Variants in ENO4 observed in about 807,000 individuals in gnomAD.
ENO4 encodes the protein enolase 4.
Under a neutral mutation model 63.2 loss-of-function variants are expected in ENO4, and 53 were observed. The observed-to-expected ratio is 0.84, with a 90% confidence interval of 0.67 to 1.05. The LOEUF (loss-of-function observed/expected upper bound fraction) is 1.05. Among genes scored for constraint, ENO4 ranks in the 50% least tolerant of loss-of-function variants. The pLI, the probability that ENO4 is intolerant of heterozygous loss-of-function variation, is 0.00. For synonymous variants in ENO4, 266 were observed against 283.8 expected (o/e 0.94, Z 0.63); for missense variants, 719 against 772.0 (o/e 0.93, Z 0.81).
chr10:116,851,696 A>T (rs79860176), intron 1 of ENO4, among the ~76,000 whole-genome samples: 473 of 152,144 alleles, frequency 3.1e-3, no homozygotes, highest in African/African-American at 0.011. Context: ...GCTGGCCTTC[A>T]TGTGTGTGGT....
intron 9 of ENO4, 122 bp downstream of exon 9, chr10:116,871,414 A>G: frequency 1.1e-6 from 1 of 921,050 alleles, no homozygotes; most frequent in Non-Finnish European, 1.5e-6. Context: ...TTTTATTAAT[A>G]TTGTGTGAAG....
At position 116,860,983 on chromosome 10, in the gene ENO4, C is replaced by T. The variant is rs538624413; in HGVS notation, c.804+20C>T. ...AATCAGGTTAGTATCTATGAAGTTC[C>T]ATTAAAAGGAGCCATGAGTATCTCA... On this transcript the variant is annotated intron_variant, in intron 5 of 13. Coordinates refer to ENST00000341276, the MANE Select transcript of ENO4 (RefSeq NM_001242699.2). 27 of 1,531,916 alleles carry T rather than the reference C, an allele frequency of 1.8e-5. No homozygotes were observed. The Admixed American group carries it at 5.4e-4, about 31-fold the overall frequency. The allele number at this position is 1,531,916 out of a possible 1,614,324, so 94.9% of individuals were successfully genotyped here.
intron 10 of ENO4, chr10:116,901,888 G>A (rs758936725): frequency 6.2e-7 from 1 of 1,608,004 alleles, no homozygotes; most frequent in Non-Finnish European, 8.5e-7. Flanking sequence ...GGCTGTTTTT[G>A]TTACACTGGA....
chr10:116,907,162 C>T (rs1036789344), intron 10 of ENO4, among the ~76,000 whole-genome samples: 1 of 152,096 alleles, frequency 6.6e-6, no homozygotes, highest in Non-Finnish European at 1.5e-5. Flanking sequence ...GAAGTCACAG[C>T]GGCACTGAAA....
chr10:116,862,515 A>C (rs1232101267), intron 6 of ENO4, among the ~76,000 whole-genome samples: 1 of 152,176 alleles, frequency 6.6e-6, no homozygotes, highest in African/African-American at 2.4e-5. Context: ...GTTGGTCCAG[A>C]GACCATAAAA....
At chr10:116,852,475 T>C (rs1164129734) in intron 1 of ENO4, among the ~76,000 whole-genome samples, 3 of 152,230 alleles carry the variant, frequency 2.0e-5, no homozygotes, top group Non-Finnish European at 2.9e-5. Flanking sequence ...CTCACTGTGA[T>C]AGAGTTACAC....
intron 10 of ENO4, among the ~76,000 whole-genome samples, chr10:116,902,205 A>C (rs1382528870): frequency 6.6e-6 from 1 of 152,208 alleles, no homozygotes; most frequent in Non-Finnish European, 1.5e-5. Context: ...ATCCCAGGCC[A>C]CAATTCCCTC....
downstream of ENO4, chr10:116,886,466 T>A (rs761174075): frequency 2.5e-6 from 4 of 1,613,918 alleles, no homozygotes; most frequent in African/African-American, 4.0e-5. Flanking sequence ...TGGTCTTTGG[T>A]TTGGGGTTCA....
Position 116,855,555 on chromosome 10 carries a change from T to C in ENO4, c.166-68T>C, listed in dbSNP as rs560786797. The C allele has an allele frequency of 1.6e-5, 25 of 1,522,732 alleles. No individual in the cohort carries two copies. The South Asian group carries it at 2.4e-4, about 15-fold the overall frequency. The allele number at this position is 1,522,732 out of a possible 1,614,324, so 94.3% of individuals were successfully genotyped here. A position where few individuals can be genotyped will look rare whatever the true frequency, so the allele number is the denominator to read the frequency against. On this transcript the variant is annotated intron_variant, in intron 1 of 13. Coordinates refer to ENST00000341276, the MANE Select transcript of ENO4 (RefSeq NM_001242699.2). ...CCTTTTGAAGATAAAGTAGATATGGTATTGTGACTTTTTTCCCCAAACAAC... is the reference window on the plus strand; with the variant it reads ...CCTTTTGAAGATAAAGTAGATATGGCATTGTGACTTTTTTCCCCAAACAAC...
At chr10:116,855,102 G>T (rs1846223756) in intron 1 of ENO4, among the ~76,000 whole-genome samples, 1 of 151,906 alleles carries the variant, frequency 6.6e-6, no homozygotes, top group Admixed American at 6.6e-5. Context: ...AGACTATCCT[G>T]GCCAACATGG....
In ENO4 at chr10:116,860,978, A is replaced by C; in HGVS notation, c.804+15A>C. ...AGCACAATCAGGTTAGTATCTATGA[A>C]GTTCCATTAAAAGGAGCCATGAGTA... On this transcript the variant is annotated intron_variant, in intron 5 of 13. Transcript: ENST00000341276. 6.5e-7 allele frequency: 1 copy of C among 1,534,400 alleles called. No individual in the cohort carries two copies. Among genetic ancestry groups the C allele is most frequent in the Non-Finnish European group, 8.8e-7 (1 of 1,135,978 alleles).
At chr10:116,880,707 T>C (rs955638163) in intron 13 of ENO4, among the ~76,000 whole-genome samples, 1 of 152,212 alleles carries the variant, frequency 6.6e-6, no homozygotes, top group Non-Finnish European at 1.5e-5. Flanking sequence ...CTGAGTCATG[T>C]AAGGGCAGTC....
At chr10:116,893,724 C>T (rs1847420448) in intron 10 of ENO4, among the ~76,000 whole-genome samples, 1 of 152,150 alleles carries the variant, frequency 6.6e-6, no homozygotes, top group Non-Finnish European at 1.5e-5. Context: ...TTGAACAAAA[C>T]ATGACCCCAA....
chr10:116,905,009 G>A (rs535034662), intron 10 of ENO4, among the ~76,000 whole-genome samples: 1 of 151,610 alleles, frequency 6.6e-6, no homozygotes, highest in South Asian at 2.2e-4. Context: ...AGACCATCCT[G>A]GCTAACAAGG....
intron 10 of ENO4, among the ~76,000 whole-genome samples, chr10:116,899,114 C>G (rs953252310): frequency 6.6e-6 from 1 of 152,042 alleles, no homozygotes; most frequent in African/African-American, 2.4e-5. Flanking sequence ...AGGAATTGTT[C>G]CATGTGTGTA....
At position 116,875,722 on chromosome 10, in the gene ENO4, T is replaced by C. The variant is rs569893178; in HGVS notation, c.1342-343T>C. 1.6e-4 allele frequency among the ~76,000 whole-genome samples: 24 copies of C among 152,326 alleles called. No individual in the cohort carries two copies. The South Asian group carries it at 4.3e-3, about 28-fold the overall frequency. ...TTCCATTTTCTGTTTATCAGAAATA[T>C]CAGAAAAATCCATCCAGCCAATCCT... is the stretch of plus-strand genomic sequence containing the variant. On this transcript the variant is annotated intron_variant, in intron 10 of 13. Transcript: ENST00000341276.
At chr10:116,879,674 A>C (rs1040958041) in intron 12 of ENO4, among the ~76,000 whole-genome samples, 195 bp from the exon 13 acceptor site, 1 of 152,188 alleles carries the variant, frequency 6.6e-6, no homozygotes, top group Admixed American at 6.5e-5. Context: ...TGCCTGATGG[A>C]TAGTCAGCCA....
chr10:116,897,128 C>T (rs191293866), intron 10 of ENO4, among the ~76,000 whole-genome samples: 20 of 152,018 alleles, frequency 1.3e-4, no homozygotes, highest in African/African-American at 4.8e-4. Context: ...TGATCAGGTA[C>T]TTCTAATGTA....
chr10:116,906,754 TG>T, intron 10 of ENO4: 1 of 1,600,622 alleles, frequency 6.2e-7, no homozygotes, highest in Non-Finnish European at 8.5e-7. Flanking sequence ...TCCCCTAAAG[TG>T]AAAACAAAAC....
Sources: gnomAD v4.1 joint callset for allele counts (sites outside exome capture counted in the v4.1 genomes callset) on GRCh38, gnomAD v4.1.1 for gene constraint, MANE v1.5 for transcripts, NCBI Gene and HGNC (gene_info 2026-07-23, HGNC 2026-07-21) for gene names.